AMOTL2: variants seen among roughly 807,000 people sequenced by gnomAD.
AMOTL2 encodes the protein angiomotin like 2.
In AMOTL2, 33 loss-of-function variants were observed where a neutral mutation model predicts 78.4. The observed-to-expected ratio is 0.42, with a 90% CI of 0.32 to 0.56. The LOEUF is 0.56. AMOTL2 is among the 20% of genes least tolerant of loss of function. AMOTL2 has a pLI of 0.12. For missense variants in AMOTL2, 983 were observed against 1,030.1 expected (o/e 0.95, Z 0.63); for synonymous variants, 422 against 428.8 (o/e 0.98, Z 0.20).
intron 2 of AMOTL2, 69 bp downstream of exon 2, chr3:134,370,631 C>T (rs1176924208): frequency 2.0e-6 from 3 of 1,479,206 alleles, no homozygotes; most frequent in Non-Finnish European, 2.7e-6. Context: ...GATCTTGAGG[C>T]TCTCCTCCCT....
At position 134,367,690 on chromosome 3, in the gene AMOTL2, C is replaced by G. The variant is rs1576584142; in HGVS notation, c.848G>C (p.Gly283Ala). The change falls in exon 3 of 10, where the codon GGC (glycine) becomes GCC (alanine). Residue 283 changes from glycine (G) to alanine (A), a missense_variant. Coordinates refer to ENST00000249883, the MANE Select transcript of AMOTL2 (RefSeq NM_016201.4). ...AGGTGGACTGAGGGAGCTCAGGGGG[C>G]CATGGCCGAGAGCAGCTGGATGTGG... Reference protein sequence around the residue: ...PPPHPAALGHGPLSSLSPPAV... With the variant: ...PPPHPAALGHAPLSSLSPPAV... 1 of 1,613,370 alleles carries G rather than the reference C, an allele frequency of 6.2e-7. No homozygotes were observed. The highest frequency in any genetic ancestry group is 8.5e-7 in the Non-Finnish European group (1 of 1,179,966).
rs2017287474 is a variant in AMOTL2, at chr3:134,360,141, G to A, written c.1848C>T (p.Leu616=). 2 of 1,613,204 alleles carry A rather than the reference G, an allele frequency of 1.2e-6. No homozygotes were observed. Among genetic ancestry groups the A allele is most frequent in the African/African-American group, 1.3e-5 (1 of 74,928 alleles). Residue 616 remains leucine, a synonymous_variant, in exon 7 of 10, where the codon CTC becomes CTT. Transcript: ENST00000249883. ...SPSSSFNEGL[L]TGGHRHQEME... is the part of the protein sequence containing the mutation. Reference sequence around the variant, plus strand: ...TCTCCTGATGCCTGTGGCCACCAGTGAGCAGACCCTCATTGAAGCTGCTGC... The same window carrying A: ...TCTCCTGATGCCTGTGGCCACCAGTAAGCAGACCCTCATTGAAGCTGCTGC...
intron 8 of AMOTL2, 82 bp downstream of exon 8, chr3:134,359,201 C>T (rs2017224388): frequency 6.7e-7 from 1 of 1,497,110 alleles, no homozygotes; most frequent in Non-Finnish European, 9.2e-7. Context: ...AGCCTCAGTT[C>T]TGGGAGGAAA....
At position 134,367,670 on chromosome 3, in the gene AMOTL2, G is replaced by A. The variant is rs2017671750; in HGVS notation, c.868C>T (p.Pro290Ser). 7 of 1,613,448 alleles carry A rather than the reference G, an allele frequency of 4.3e-6. No individual in the cohort carries two copies. In the East Asian group the frequency reaches 1.3e-4, roughly 31 times the overall value. Residue 290 changes from proline (P) to serine (S), a missense_variant, in exon 3 of 10, where the codon CCA (proline) becomes TCA (serine). By Grantham distance (74) the Pro-to-Ser change is moderately conservative (BLOSUM62 -1). Transcript: ENST00000249883. ...CTCACTGGCCCCTCCACAGCAGGTG[G>A]ACTGAGGGAGCTCAGGGGGCCATGG... ...LGHGPLSSLS[P>S]PAVEGPVSAQ...
At position 134,370,841 on chromosome 3, in the gene AMOTL2, C is replaced by T. The variant is rs757485956; in HGVS notation, c.593G>A (p.Gly198Asp). Residue 198 changes from glycine (G) to aspartate (D), a missense_variant, in exon 2 of 10, where the codon GGC (glycine) becomes GAC (aspartate). Transcript: ENST00000249883. ...ARNQQGPPLR[G>D]PPAEGPESRG... ...GGACTCTGGGCCCTCAGCAGGGGGG[C>T]CCCTCAGTGGGGGGCCCTGCTGGTT... 2 of 1,595,810 alleles carry T rather than the reference C, an allele frequency of 1.3e-6. No individual in the cohort carries two copies. Among genetic ancestry groups the T allele is most frequent in the African/African-American group, 2.7e-5 (2 of 74,512 alleles).
chr3:134,367,849 T>C (rs1269502863), intron 2 of AMOTL2, 46 bp from the exon 3 acceptor site: 3 of 1,599,770 alleles, frequency 1.9e-6, no homozygotes, highest in Non-Finnish European at 2.6e-6. Context: ...CAGACCCTCA[T>C]GGCTCCCACC....
Position 134,367,522 on chromosome 3 carries a change from G to C in AMOTL2, c.1016C>G (p.Ala339Gly). 1 of 1,612,536 alleles carries C rather than the reference G, an allele frequency of 6.2e-7. No homozygotes were observed. The highest frequency in any genetic ancestry group is 8.5e-7 in the Non-Finnish European group (1 of 1,180,008). ...CTTCTCAATGCGGCCAGCCTTCTCC[G>C]CAGAGCTCTCCAGCTCCCTCTGCAG... ...ERLQRELESSAEKAGRIEKLE... is the reference protein window; with the variant it reads ...ERLQRELESSGEKAGRIEKLE... The change falls in exon 3 of 10, where the codon GCG becomes GGG. Residue 339 changes from alanine (A) to glycine (G), a missense_variant. Transcript: ENST00000249883.
At chr3:134,375,127 G>T, upstream of AMOTL2, 1 of 1,523,824 alleles carries the variant, frequency 6.6e-7, no homozygotes, top group South Asian at 1.2e-5. Context: ...GCTATTTTAC[G>T]ACCGTCTCGA....
intron 5 of AMOTL2, among the ~76,000 whole-genome samples, chr3:134,365,009 G>A (rs926590680): frequency 3.3e-5 from 5 of 151,982 alleles, no homozygotes; most frequent in Non-Finnish European, 4.4e-5. Context: ...CTTCACCTCT[G>A]GCTGGCTCTC....
chr3:134,372,548 C>T (rs530373483), intron 1 of AMOTL2, among the ~76,000 whole-genome samples: 1 of 151,746 alleles, frequency 6.6e-6, no homozygotes, highest in South Asian at 2.1e-4. Context: ...CACACACACA[C>T]ACACACACAA....
At chr3:134,360,066 C>A in intron 7 of AMOTL2, 40 bp downstream of exon 7, 1 of 1,574,440 alleles carries the variant, frequency 6.4e-7, no homozygotes, top group South Asian at 1.2e-5. Flanking sequence ...CATTGCCACC[C>A]ACCCCCCCAA....
Position 134,360,422 on chromosome 3 carries a change from C to T in AMOTL2, c.1576-9G>A. 6.2e-7 allele frequency: 1 copy of T among 1,605,902 alleles called. No individual in the cohort carries two copies. Among genetic ancestry groups the T allele is most frequent in the Non-Finnish European group, 8.5e-7 (1 of 1,176,000 alleles). On this transcript the variant is annotated splice_polypyrimidine_tract_variant and intron_variant, in intron 6 of 9. Transcript: ENST00000249883. ...GGGGCACCTGCCTGTCTCTGCAGAGCAAGGAGTAGAGACCGTGGTCAAGGG... is the reference window on the plus strand; with the variant it reads ...GGGGCACCTGCCTGTCTCTGCAGAGTAAGGAGTAGAGACCGTGGTCAAGGG...
chr3:134,371,289 C>T lies in AMOTL2; in HGVS notation c.145G>A (p.Gly49Arg). ...ATCTCCAGGGAGGCCTGGGGGCTCC[C>T]TGTACCCCCAGTTCCAGCCCCACCC... ...LRGGAGTGGT[G>R]SPQASLEILA... The change falls in exon 2 of 10, where the codon GGG becomes AGG. Residue 49 changes from glycine (G) to arginine (R), a missense_variant. Physicochemically the swap from Gly to Arg is moderately radical, Grantham distance 125. Transcript: ENST00000249883. 1.2e-6 allele frequency: 2 copies of T among 1,612,424 alleles called. No homozygotes were observed. Among genetic ancestry groups the T allele is most frequent in the South Asian group, 1.1e-5 (1 of 91,048 alleles).
upstream of AMOTL2, chr3:134,374,926 T>TGC (rs55706438): frequency 3.6e-6 from 4 of 1,112,286 alleles, no homozygotes; most frequent in Non-Finnish European, 4.4e-6. Flanking sequence ...TGTGTGTGTG[T>TGC]GCGTGTGTGT....
Position 134,371,355 on chromosome 3 carries a change from C to T in AMOTL2, c.79G>A (p.Glu27Lys). Residue 27 changes from glutamate (E) to lysine (K), a missense_variant, in exon 2 of 10, where the codon GAG (glutamate) becomes AAG (lysine). Coordinates refer to ENST00000249883, the MANE Select transcript of AMOTL2 (RefSeq NM_016201.4). ...QEQLRYGNLT[E>K]TRTLLAIQQQ... ...TGGATGGCTAGCAGCGTGCGCGTCT[C>T]AGTCAGGTTGCCGTAGCGCAGCTGC... is the stretch of plus-strand genomic sequence containing the variant. 1 of 1,610,884 alleles carries T rather than the reference C, an allele frequency of 6.2e-7. No individual in the cohort carries two copies. Among genetic ancestry groups the T allele is most frequent in the Non-Finnish European group, 8.5e-7 (1 of 1,180,010 alleles).
At chr3:134,374,133 G>T in intron 1 of AMOTL2, 2 of 736,844 alleles carry the variant, frequency 2.7e-6, no homozygotes, top group Non-Finnish European at 3.3e-6. Flanking sequence ...CTAGAGCCCC[G>T]CAAAGCCCAG....
rs1449516597 is a variant in AMOTL2, at chr3:134,371,084, T to C, written c.350A>G (p.Tyr117Cys). The change falls in exon 2 of 10, where the codon TAT (tyrosine) becomes TGT (cysteine). Residue 117 changes from tyrosine (Y) to cysteine (C), a missense_variant. Transcript: ENST00000249883. ...CCGGGTCCCTGCCTGCTGGGCCGCA[T>C]AGTACTGCGAGTGGGCTTTGGCCTC... ...YEEAKAHSQY[Y>C]AAQQAGTRPH... 3.7e-6 allele frequency: 6 copies of C among 1,612,042 alleles called. No homozygotes were observed. The South Asian group carries it at 5.5e-5, about 15-fold the overall frequency.
At chr3:134,374,574 A>ACCGCCCTCCT (rs1559806644), upstream of AMOTL2, 8 of 985,272 alleles carry the variant, frequency 8.1e-6, no homozygotes, top group East Asian at 1.1e-4. Context: ...CTCTCAGCGC[A>ACCGCCCTCCT]CCGCCCTCCT....
At chr3:134,360,031 G>A (rs1559795562) in intron 7 of AMOTL2, 75 bp downstream of exon 7, 1 of 1,469,562 alleles carries the variant, frequency 6.8e-7, no homozygotes, top group Non-Finnish European at 9.2e-7. Context: ...GTTTATCAGG[G>A]ATCAAGGGCA....
Sources: gnomAD v4.1 joint callset for allele counts (sites outside exome capture counted in the v4.1 genomes callset) on GRCh38, gnomAD v4.1.1 for gene constraint, MANE v1.5 for transcripts, NCBI Gene and HGNC (gene_info 2026-07-23, HGNC 2026-07-21) for gene names.